SOBP: variants seen among roughly 807,000 people sequenced by gnomAD.
SOBP encodes sine oculis binding protein homolog.
A neutral mutation model predicts 53.6 loss-of-function variants in SOBP; 4 were observed. That is an observed-to-expected ratio of 0.07 (90% CI 0.04 to 0.17). The LOEUF (loss-of-function observed/expected upper bound fraction) is 0.17. Among genes scored for constraint, SOBP ranks in the 10% least tolerant of loss-of-function variants. The probability of loss-of-function intolerance (pLI) is 1.00; values close to 1 mark genes in which losing one functional copy is unlikely to be tolerated. For synonymous variants in SOBP, 584 were observed against 522.6 expected (o/e 1.12, Z -1.60); for missense variants, 1,088 against 1,204.7 (o/e 0.90, Z 1.43).
chr6:107,509,065 C>T (rs76301422), intron 3 of SOBP, among the ~76,000 whole-genome samples: 3 of 152,120 alleles, frequency 2.0e-5, no homozygotes, highest in Non-Finnish European at 1.5e-5. Context: ...GGATCCCAGC[C>T]CTACCTCATG....
chr6:107,543,794 C>G (rs748638004), intron 4 of SOBP, among the ~76,000 whole-genome samples: 28 of 152,196 alleles, frequency 1.8e-4, no homozygotes, highest in Non-Finnish European at 2.4e-4. Context: ...TAGCCGTCAT[C>G]ATAGGGTCCT....
chr6:107,577,816 G>A (rs1383550553), intron 4 of SOBP, among the ~76,000 whole-genome samples: 1 of 152,174 alleles, frequency 6.6e-6, no homozygotes, highest in Non-Finnish European at 1.5e-5. Context: ...GCTCATGCCT[G>A]TAATCCCAGC....
intron 6 of SOBP, among the ~76,000 whole-genome samples, chr6:107,650,763 A>G (rs949742618): frequency 2.0e-5 from 3 of 152,208 alleles, no homozygotes; most frequent in African/African-American, 7.2e-5. Flanking sequence ...TAATTCTATG[A>G]TGGCCTCTAA....
At chr6:107,607,246 C>A (rs1786419111) in intron 5 of SOBP, among the ~76,000 whole-genome samples, 2 of 152,166 alleles carry the variant, frequency 1.3e-5, no homozygotes, top group Admixed American at 6.5e-5. Context: ...AAACATTGGT[C>A]AGATAATGTG....
chr6:107,561,046 CA>C (rs2115024851), intron 4 of SOBP, among the ~76,000 whole-genome samples: 1 of 152,284 alleles, frequency 6.6e-6, no homozygotes, highest in African/African-American at 2.4e-5. Context: ...GTACCTGACC[CA>C]TCAGGGAGAG....
At chr6:107,551,522 A>G (rs1784458964) in intron 4 of SOBP, among the ~76,000 whole-genome samples, 1 of 152,216 alleles carries the variant, frequency 6.6e-6, no homozygotes, top group African/African-American at 2.4e-5. Context: ...TCATACAATT[A>G]TGTCACAGCT....
chr6:107,616,524 G>T (rs964832363), intron 5 of SOBP, among the ~76,000 whole-genome samples: 1 of 152,018 alleles, frequency 6.6e-6, no homozygotes, highest in Non-Finnish European at 1.5e-5. Flanking sequence ...CTATTACTGG[G>T]GTAGCTCCCT....
chr6:107,544,691 T>C (rs1420967284), intron 4 of SOBP, among the ~76,000 whole-genome samples: 1 of 152,242 alleles, frequency 6.6e-6, no homozygotes, highest in Non-Finnish European at 1.5e-5. Flanking sequence ...ATATGCGCTT[T>C]CTTTGCTAAT....
At chr6:107,617,482 T>C (rs1328065005) in intron 5 of SOBP, among the ~76,000 whole-genome samples, 1 of 152,218 alleles carries the variant, frequency 6.6e-6, no homozygotes, top group East Asian at 1.9e-4. Context: ...TCATCAAAGA[T>C]GTCTTAAGCT....
At chr6:107,558,089 T>G (rs1784666666) in intron 4 of SOBP, 1 of 152,120 alleles carries the variant, frequency 6.6e-6, no homozygotes, top group Non-Finnish European at 1.5e-5. Flanking sequence ...TCTACAAAAT[T>G]TATGATTATA....
At chr6:107,549,063 C>T (rs941696408) in intron 4 of SOBP, among the ~76,000 whole-genome samples, 4 of 152,008 alleles carry the variant, frequency 2.6e-5, no homozygotes, top group African/African-American at 4.8e-5. Flanking sequence ...TTCAGGAGAT[C>T]GAGACCATCT....
rs1247367140 is a variant in SOBP, at chr6:107,634,176, G to T, written c.1332G>T (p.Leu444=). 4 of 1,609,740 alleles carry T rather than the reference G, an allele frequency of 2.5e-6. No individual in the cohort carries two copies. The East Asian group carries it at 8.9e-5, about 36-fold the overall frequency. Residue 444 remains leucine (L), a synonymous_variant, in exon 6 of 7, where the codon CTG becomes CTT. Transcript: ENST00000317357. This position sits in a 1 kb window ranked among gnomAD's most constrained non-coding sequence, Gnocchi z 4.5. ...IGPPPGGPRN[L]GPTSSPMHRP... is the part of the protein sequence containing the mutation. ...CCCCGCCCGGTGGCCCCAGAAACCT[G>T]GGCCCCACTTCCAGCCCCATGCACC...
chr6:107,618,825 C>T (rs945494779), intron 5 of SOBP, among the ~76,000 whole-genome samples: 1 of 152,124 alleles, frequency 6.6e-6, no homozygotes, highest in Admixed American at 6.5e-5. Flanking sequence ...GCCATAGGTA[C>T]TGGTATTCAT....
intron 4 of SOBP, among the ~76,000 whole-genome samples, chr6:107,541,508 A>G (rs1032951232): frequency 2.6e-5 from 4 of 152,274 alleles, no homozygotes; most frequent in Admixed American, 2.6e-4. Flanking sequence ...AACTTTCTTG[A>G]TTAGCTAATT....
At chr6:107,584,146 C>G (rs1291464115) in intron 4 of SOBP, among the ~76,000 whole-genome samples, 1 of 151,888 alleles carries the variant, frequency 6.6e-6, no homozygotes, top group Non-Finnish European at 1.5e-5. Flanking sequence ...AGTTCTCGCC[C>G]TTCTTTGGTA....
chr6:107,590,798 C>A (rs1365350798), intron 5 of SOBP, among the ~76,000 whole-genome samples: 1 of 152,142 alleles, frequency 6.6e-6, no homozygotes, highest in Non-Finnish European at 1.5e-5. Context: ...TTTTCCATTT[C>A]ATTTCCTCGT....
chr6:107,505,432 C>T (rs1309247007), intron 2 of SOBP, among the ~76,000 whole-genome samples: 1 of 151,844 alleles, frequency 6.6e-6, no homozygotes, highest in East Asian at 1.9e-4. Flanking sequence ...AAGCGATTCT[C>T]GTGCCTCAAC....
intron 1 of SOBP, among the ~76,000 whole-genome samples, chr6:107,494,890 G>A (rs1264590086): frequency 6.6e-6 from 1 of 152,108 alleles, no homozygotes; most frequent in East Asian, 1.9e-4. Flanking sequence ...AATAACCTGT[G>A]TCAATTGCAC....
intron 6 of SOBP, among the ~76,000 whole-genome samples, chr6:107,641,249 C>T (rs1482687805): frequency 6.6e-6 from 1 of 152,190 alleles, no homozygotes; most frequent in Non-Finnish European, 1.5e-5. Context: ...GTTGGAGCTA[C>T]ATCATGTAGC....
Sources: gnomAD v4.1 joint callset for allele counts (sites outside exome capture counted in the v4.1 genomes callset) on GRCh38, gnomAD v4.1.1 for gene constraint, Gnocchi (gnomAD v3.1) non-coding constraint, MANE v1.5 for transcripts, NCBI Gene and HGNC (gene_info 2026-07-23, HGNC 2026-07-21) for gene names.